The following ANK2 variants were observed in gnomAD, a reference collection of about 807,000 sequenced individuals.
The protein encoded by ANK2 is ankyrin 2, also known as ankyrin-2.
In ANK2, 83 loss-of-function variants were observed where a neutral mutation model predicts 360.5. The observed-to-expected ratio is 0.23, with a 90% CI of 0.19 to 0.28. The LOEUF is 0.28. Among genes scored for constraint, ANK2 ranks in the 10% least tolerant of loss-of-function variants. ANK2 has a pLI of 1.00. For missense variants in ANK2, 4,201 were observed against 4,795.7 expected (o/e 0.88, Z 3.66); for synonymous variants, 1,740 against 1,759.5 (o/e 0.99, Z 0.28).
intron 2 of ANK2, among the ~76,000 whole-genome samples, chr4:112,960,521 A>C (rs2034236071): frequency 6.6e-6 from 1 of 152,182 alleles, no homozygotes; most frequent in Non-Finnish European, 1.5e-5. Context: ...TTTGTTTTAA[A>C]GAATCAGAAC....
intron 2 of ANK2, among the ~76,000 whole-genome samples, chr4:112,907,376 T>C (rs567133615): frequency 6.6e-6 from 1 of 152,330 alleles, no homozygotes; most frequent in Non-Finnish European, 1.5e-5. Context: ...TACTTAAATT[T>C]TTTTCTTTGT....
intron 1 of ANK2, among the ~76,000 whole-genome samples, chr4:113,072,780 C>A: frequency 1.0e-5 from 1 of 99,496 alleles, no homozygotes; most frequent in Admixed American, 1.3e-4. Context: ...TCTTGTCTCT[C>A]CAGCAAGTGT....
chr4:112,856,927 C>A (rs1217962508), intron 1 of ANK2, among the ~76,000 whole-genome samples: 1 of 152,094 alleles, frequency 6.6e-6, no homozygotes, highest in Non-Finnish European at 1.5e-5. Flanking sequence ...TGGAAAATTA[C>A]TGAGGAGACA....
At chr4:112,993,236 T>C (rs183159243) in intron 2 of ANK2, among the ~76,000 whole-genome samples, 18 of 152,164 alleles carry the variant, frequency 1.2e-4, no homozygotes, top group African/African-American at 3.9e-4. Context: ...GTGAGCCATG[T>C]TTGTGACTGC....
intron 1 of ANK2, among the ~76,000 whole-genome samples, chr4:112,845,076 A>T (rs1441043644): frequency 6.6e-6 from 1 of 152,208 alleles, no homozygotes; most frequent in African/African-American, 2.4e-5. Context: ...CAGCTGTAGA[A>T]AGGAGTAGAC....
chr4:113,010,459 G>A (rs758102629), intron 2 of ANK2, among the ~76,000 whole-genome samples: 18 of 152,048 alleles, frequency 1.2e-4, no homozygotes, highest in African/African-American at 2.2e-4. Flanking sequence ...CATACTGAGC[G>A]TAGACTATGC....
intron 1 of ANK2, among the ~76,000 whole-genome samples, chr4:112,882,987 T>TACTGG (rs2077147528): frequency 7.0e-6 from 1 of 143,380 alleles, no homozygotes; most frequent in Non-Finnish European, 1.5e-5. Flanking sequence ...TCCGTGTGGC[T>TACTGG]ACTGGACACT....
chr4:113,165,871 T>C (rs1405051920), intron 1 of ANK2, among the ~76,000 whole-genome samples: 1 of 152,156 alleles, frequency 6.6e-6, no homozygotes, highest in African/African-American at 2.4e-5. Context: ...CCTCAAACTG[T>C]TATTTAATCT....
intron 22 of ANK2, among the ~76,000 whole-genome samples, chr4:113,296,906 A>G (rs1157159162): frequency 6.6e-6 from 1 of 152,208 alleles, no homozygotes; most frequent in Non-Finnish European, 1.5e-5. Context: ...ATTGTGTTTT[A>G]TGTTGCATAT....
At chr4:113,247,465 GT>G (rs1322866204) in intron 9 of ANK2, among the ~76,000 whole-genome samples, 1 of 152,066 alleles carries the variant, frequency 6.6e-6, no homozygotes, top group Non-Finnish European at 1.5e-5. Context: ...GTTCCTTGAT[GT>G]TCTTGTGGGT....
At chr4:112,800,170 A>G in the ANK2 span, among the ~76,000 whole-genome samples, 1 of 152,182 alleles carries the variant, frequency 6.6e-6, no homozygotes, top group African/African-American at 2.4e-5. Context: ...TCTCTCCAAG[A>G]GTTCATATTC....
the ANK2 span, among the ~76,000 whole-genome samples, chr4:112,807,602 A>T: frequency 1.3e-5 from 2 of 152,244 alleles, no homozygotes; most frequent in Non-Finnish European, 2.9e-5. Flanking sequence ...ACTGAATTTT[A>T]AAATAGGTGG....
intron 31 of ANK2, among the ~76,000 whole-genome samples, chr4:113,337,404 C>T (rs1420060918): frequency 1.3e-5 from 2 of 152,086 alleles, no homozygotes; most frequent in South Asian, 2.1e-4. Context: ...ACTCCCAGAA[C>T]GTTGGTAGTC....
chr4:112,709,834 A>G, the ANK2 span, among the ~76,000 whole-genome samples: 63 of 152,298 alleles, frequency 4.1e-4, no homozygotes, highest in South Asian at 1.0e-3. Flanking sequence ...TTATCATGGC[A>G]TTGATTGCTG....
At chr4:112,795,709 G>T in the ANK2 span, among the ~76,000 whole-genome samples, 11 of 151,988 alleles carry the variant, frequency 7.2e-5, no homozygotes, top group African/African-American at 2.2e-4. Flanking sequence ...TCACAATGTT[G>T]GCCAGGCTGG....
At chr4:113,219,625 T>A (rs1229806466) in intron 4 of ANK2, among the ~76,000 whole-genome samples, 1 of 152,168 alleles carries the variant, frequency 6.6e-6, no homozygotes, top group East Asian at 1.9e-4. Flanking sequence ...TTACTGAAAA[T>A]GATCCACCTG....
chr4:113,373,066 G>A, intron 43 of ANK2, 24 bp from the exon 44 acceptor site: 1 of 1,598,718 alleles, frequency 6.3e-7, no homozygotes, highest in Non-Finnish European at 8.6e-7. Context: ...ACACCACAGT[G>A]ACCCTTTTCT....
At chr4:113,268,205 A>T (rs994402701) in intron 14 of ANK2, among the ~76,000 whole-genome samples, 1 of 152,166 alleles carries the variant, frequency 6.6e-6, no homozygotes, top group South Asian at 2.1e-4. Context: ...AACAGAGACA[A>T]TTTGACTTCC....
chr4:113,238,142 A>G (rs1325927522), intron 7 of ANK2, among the ~76,000 whole-genome samples: 1 of 152,150 alleles, frequency 6.6e-6, no homozygotes, highest in East Asian at 1.9e-4. Flanking sequence ...GTCTTAAAAT[A>G]CTTGTCATGG....
Sources: allele counts gnomAD v4.1 joint callset (sites outside exome capture counted in the v4.1 genomes callset), GRCh38; gene constraint gnomAD v4.1.1; transcripts MANE v1.5; gene names NCBI Gene and HGNC (gene_info 2026-07-23, HGNC 2026-07-21).